ABHD12B: variants seen among roughly 807,000 people sequenced by gnomAD.
ABHD12B encodes protein ABHD12B.
In ABHD12B, 42 loss-of-function variants were observed where a neutral mutation model predicts 50.4. The ratio of observed to expected loss-of-function variants is 0.83; its 90% CI spans 0.65 to 1.08. The LOEUF (loss-of-function observed/expected upper bound fraction) is 1.08, where lower values mean the gene tolerates loss of function less well. ABHD12B is among the 50% of genes least tolerant of loss of function. The probability of loss-of-function intolerance (pLI) is 0.00; values close to 1 mark genes in which losing one functional copy is unlikely to be tolerated. For synonymous variants in ABHD12B, 167 were observed against 160.3 expected, an observed-to-expected ratio of 1.04 and a Z score of -0.32; for missense variants, 479 against 447.7, an observed-to-expected ratio of 1.07 and a Z score of -0.63.
intron 8 of ABHD12B, 91 bp downstream of exon 8, chr14:50,886,775 T>A (rs7158183): frequency 3.3e-6 from 4 of 1,207,046 alleles, no homozygotes; most frequent in Non-Finnish European, 3.5e-6. Flanking sequence ...TTTGAACATA[T>A]AGACACCAAA....
intron 1 of ABHD12B, among the ~76,000 whole-genome samples, chr14:50,873,300 C>T (rs1476881810): frequency 2.6e-5 from 4 of 151,752 alleles, no homozygotes; most frequent in Non-Finnish European, 5.9e-5. Flanking sequence ...TTGGCTCATT[C>T]CCAGGGCTCC....
At chr14:50,882,031 G>A (rs971618556) in intron 5 of ABHD12B, among the ~76,000 whole-genome samples, 1 of 151,810 alleles carries the variant, frequency 6.6e-6, no homozygotes, top group Admixed American at 6.6e-5. Flanking sequence ...CACCTCCCAG[G>A]CTCAAGCGAT....
chr14:50,880,985 A>G (rs1375594526), intron 4 of ABHD12B, among the ~76,000 whole-genome samples: 5 of 152,158 alleles, frequency 3.3e-5, no homozygotes, highest in Non-Finnish European at 7.4e-5. Context: ...ATTTAGCTTT[A>G]ATGTTATTAG....
At chr14:50,875,602 C>T (rs76588701) in intron 1 of ABHD12B, among the ~76,000 whole-genome samples, 2,218 of 152,216 alleles carry the variant, frequency 0.015, 25 homozygotes, top group Non-Finnish European at 0.021. Context: ...TGGCCGTTAG[C>T]GGGGATTGGG....
At chr14:50,893,475 C>G (rs1346790129) in intron 9 of ABHD12B, 1 of 152,324 alleles carries the variant, frequency 6.6e-6, no homozygotes, top group African/African-American at 2.4e-5. Flanking sequence ...TTCCCAAATC[C>G]TATAAAACAG....
At chr14:50,891,745 T>C (rs2050122775) in intron 9 of ABHD12B, 1 of 152,172 alleles carries the variant, frequency 6.6e-6, no homozygotes, top group Admixed American at 6.5e-5. Flanking sequence ...GAGGCAGGGG[T>C]CCACATGAGT....
intron 9 of ABHD12B, among the ~76,000 whole-genome samples, chr14:50,895,882 AC>A: frequency 6.6e-6 from 1 of 151,358 alleles, no homozygotes; most frequent in Non-Finnish European, 1.5e-5. Flanking sequence ...CTTAGACAAT[AC>A]TCTTTTAAGC....
At chr14:50,903,533 C>G (rs1160261099) in intron 11 of ABHD12B, 66 bp downstream of exon 11, 1 of 1,396,262 alleles carries the variant, frequency 7.2e-7, no homozygotes, top group African/African-American at 1.4e-5. Context: ...TTCATTCAGC[C>G]AAACTTTGAT....
intron 10 of ABHD12B, 44 bp downstream of exon 10, chr14:50,901,955 G>A: frequency 7.6e-7 from 1 of 1,313,542 alleles, no homozygotes. Flanking sequence ...TGTATCTAAA[G>A]GATTCTAGGG....
In ABHD12B at chr14:50,879,371, ATTTGTCTTCCTTACAAGACTATAGCT is replaced by A. The variant is rs2049908090; in HGVS notation, c.335+526_335+551del. Among the ~76,000 whole-genome samples the A allele has an allele frequency of 2.6e-5, 4 of 152,192 alleles. No homozygotes were observed. The South Asian group carries it at 8.3e-4, about 31-fold the overall frequency. ...ATGTTTGTGTGATGATTTGGTTAAT[ATTTGTCTTCCTTACAAGACTATAGCT>A]TCAGCAGGTGATAGACTTTGTTGGT... On this transcript the variant is annotated intron_variant, in intron 3 of 12. Coordinates refer to ENST00000337334, the MANE Select transcript of ABHD12B (RefSeq NM_001206673.2).
intron 8 of ABHD12B, 26 bp from the exon 9 acceptor site, chr14:50,888,798 T>C (rs2142747811): frequency 6.4e-7 from 1 of 1,561,376 alleles, no homozygotes; most frequent in Non-Finnish European, 8.8e-7. Flanking sequence ...GTTACTGATT[T>C]CTTTCTTTCT....
rs970426410 is a variant in ABHD12B, at chr14:50,904,132, T to G, written c.1001T>G (p.Phe334Cys). The stretch of plus-strand genomic sequence containing the variant: ...AAAGAGAGGGTCAAGATGGTTATCT[T>G]TCCTCCTGGCTTCCAACACAACCTG... ...RNKERVKMVI[F>C]PPGFQHNLLC... The change falls in exon 12 of 13, where the codon TTT becomes TGT. Residue 334 changes from phenylalanine to cysteine, a missense_variant. Phe to Cys is a radical substitution (Grantham distance 205). Transcript: ENST00000337334. The G allele has an allele frequency of 1.9e-6, 3 of 1,614,062 alleles. No individual in the cohort carries two copies. In the African/African-American group the frequency reaches 4.0e-5, roughly 22 times the overall value.
chr14:50,872,121 TGCTCCGGACTGCA>T lies in ABHD12B; in HGVS notation c.-48_-36del, dbSNP rs2049792120. 8.4e-7 allele frequency: 1 copy of T among 1,184,474 alleles called. No homozygotes were observed. The highest frequency in any genetic ancestry group is 1.6e-5 in the African/African-American group (1 of 62,610). 73.4% of individuals were successfully genotyped at this position (1,184,474 alleles called of 1,614,324 possible). A position where few individuals can be genotyped will look rare whatever the true frequency, so the allele number is the denominator to read the frequency against. On this transcript the variant is annotated 5_prime_UTR_variant, in exon 1 of 13. Transcript: ENST00000337334. ...CCGGGGCGGGAAGGTCGCGGGCGGCTGCTCCGGACTGCAGCTCCCGCGGCGGTGGCGGCGTATC... is the reference window on the plus strand; with the variant it reads ...CCGGGGCGGGAAGGTCGCGGGCGGCTGCTCCCGCGGCGGTGGCGGCGTATC...
chr14:50,897,071 GTTTT>G (rs546998445), intron 9 of ABHD12B, among the ~76,000 whole-genome samples: 3 of 128,038 alleles, frequency 2.3e-5, no homozygotes, highest in African/African-American at 3.0e-5. Context: ...ATTTAGTTTA[GTTTT>G]TTTTTTTTTT....
chr14:50,887,211 CAAAAAA>C (rs59924695), intron 8 of ABHD12B, among the ~76,000 whole-genome samples: 2 of 43,626 alleles, frequency 4.6e-5, no homozygotes, highest in Non-Finnish European at 7.4e-5. Flanking sequence ...GAGTCTGTCT[CAAAAAA>C]AAAAAAAAAA....
chr14:50,893,114 T>C (rs1478278587), intron 9 of ABHD12B: 1 of 152,230 alleles, frequency 6.6e-6, no homozygotes, highest in African/African-American at 2.4e-5. Context: ...TTTCATGCAG[T>C]GTTCTATGTA....
chr14:50,897,670 C>T (rs919795400), intron 9 of ABHD12B, among the ~76,000 whole-genome samples: 1 of 152,214 alleles, frequency 6.6e-6, no homozygotes, highest in African/African-American at 2.4e-5. Context: ...TGTGGAGCCA[C>T]TCAGACTTGG....
intron 9 of ABHD12B, among the ~76,000 whole-genome samples, chr14:50,900,587 T>C (rs1391371839): frequency 6.6e-6 from 1 of 152,216 alleles, no homozygotes; most frequent in African/African-American, 2.4e-5. Context: ...CAAGGTTTGG[T>C]AGCTGGTTAT....
chr14:50,898,004 C>T (rs1277691861), intron 9 of ABHD12B, among the ~76,000 whole-genome samples: 3 of 152,130 alleles, frequency 2.0e-5, no homozygotes, highest in African/African-American at 7.2e-5. Flanking sequence ...ACTTCAGAGC[C>T]TATTGGACCT....
Sources: allele counts gnomAD v4.1 joint callset (sites outside exome capture counted in the v4.1 genomes callset), GRCh38; gene constraint gnomAD v4.1.1; transcripts MANE v1.5; gene names NCBI Gene and HGNC (gene_info 2026-07-23, HGNC 2026-07-21).